Variants in XIST observed in about 807,000 individuals in gnomAD.
XIST encodes X inactive specific transcript (non-protein coding).
At chrX:73,848,780 G>T (rs1922839362) in exon 1 of XIST, 1 of 558,639 alleles carries the variant, frequency 1.8e-6, no homozygotes, top group Non-Finnish European at 3.2e-6. Context: ...TGGGTAGTCA[G>T]AACTCAGCAG....
exon 1 of XIST, chrX:73,841,870 C>A: frequency 1.9e-6 from 1 of 515,222 alleles, no homozygotes. Context: ...CTGCAATCTT[C>A]TTGAAATAAG....
exon 1 of XIST, chrX:73,849,433 A>G: frequency 3.6e-6 from 2 of 559,173 alleles, no homozygotes; most frequent in Non-Finnish European, 6.5e-6. Context: ...TTAGGTGGCC[A>G]ACACAGTACA....
chrX:73,823,017 T>C lies in XIST; in HGVS notation n.16884A>G, dbSNP rs1228470102. The C allele has an allele frequency of 1.8e-5, 10 of 555,402 alleles. No individual in the cohort carries two copies. The South Asian group carries it at 2.3e-4, about 13-fold the overall frequency. The allele number at this position is 555,402 out of a possible 1,213,427, so 45.8% of individuals were successfully genotyped here. ...TTAAGAACAGCACTTTATTCAGTTTTAATAAATTTTTACTAAATTGGTAAA... is the reference window on the plus strand; with the variant it reads ...TTAAGAACAGCACTTTATTCAGTTTCAATAAATTTTTACTAAATTGGTAAA... On this transcript the variant is annotated non_coding_transcript_exon_variant, in exon 6 of 6. Transcript: ENST00000429829.
chrX:73,824,545 C>G, exon 6 of XIST: 2 of 553,772 alleles, frequency 3.6e-6, no homozygotes, highest in Non-Finnish European at 6.5e-6. Flanking sequence ...GTATTTAAAC[C>G]CTTGGTTTGT....
In XIST at chrX:73,823,407, T is replaced by C. The variant is rs775278299; in HGVS notation, n.16494A>G. ...CATAGTACCTTGCAGAGAATAGGCA[T>C]TGAAATATTATTTAAACAATCAAAC... On this transcript the variant is annotated non_coding_transcript_exon_variant, in exon 6 of 6. Coordinates refer to ENST00000429829, the Ensembl canonical transcript of XIST. 4.5e-5 allele frequency: 23 copies of C among 510,797 alleles called. No homozygotes were observed. The South Asian group carries it at 5.0e-4, about 11-fold the overall frequency. 42.1% of individuals were successfully genotyped at this position (510,797 alleles called of 1,213,427 possible). A position where few individuals can be genotyped will look rare whatever the true frequency, so the allele number is the denominator to read the frequency against.
At chrX:73,834,638 T>C (rs1338353167) in intron 2 of XIST, among the ~76,000 whole-genome samples, 1 of 111,583 alleles carries the variant, frequency 9.0e-6, no homozygotes, top group Non-Finnish European at 1.9e-5. Flanking sequence ...CAGCCAGCCA[T>C]CTGGTTCAAA....
At chrX:73,842,314 A>G (rs1569512270) in exon 1 of XIST, 1 of 554,841 alleles carries the variant, frequency 1.8e-6, no homozygotes, top group Non-Finnish European at 3.3e-6. Flanking sequence ...GAAAGTGCCA[A>G]CCTTCCTTCC....
At chrX:73,829,359 A>T in intron 4 of XIST, 1 of 430,798 alleles carries the variant, frequency 2.3e-6, no homozygotes, top group South Asian at 3.6e-5. Flanking sequence ...TATAAAGTCA[A>T]AACTTTTAGG....
At chrX:73,848,684 G>A (rs1922836420) in exon 1 of XIST, 1 of 556,680 alleles carries the variant, frequency 1.8e-6, no homozygotes, top group African/African-American at 2.2e-5. Context: ...CCCACAGAAG[G>A]TGGGATGGGG....
chrX:73,847,194 T>C (rs1569512620), exon 1 of XIST: 1 of 558,680 alleles, frequency 1.8e-6, no homozygotes, highest in Non-Finnish European at 3.2e-6. Context: ...ACATTAACAG[T>C]CCAAGAGAGT....
rs763787499 is a variant in XIST at position 73,851,103 on chromosome X, T to C, written n.1621A>G. ...TTCCATCTTCTGCTCTAATTGGCTG[T>C]GATCAATTCCACCCCCATTTCTAAT... is the stretch of plus-strand genomic sequence containing the variant. On this transcript the variant is annotated non_coding_transcript_exon_variant, in exon 1 of 6. Coordinates refer to ENST00000429829, the Ensembl canonical transcript of XIST. 8.9e-6 allele frequency: 5 copies of C among 559,331 alleles called. No homozygotes were observed. The South Asian group carries it at 1.1e-4, about 12-fold the overall frequency. 46.1% of individuals were successfully genotyped at this position (559,331 alleles called of 1,213,427 possible). A position where few individuals can be genotyped will look rare whatever the true frequency, so the allele number is the denominator to read the frequency against.
chrX:73,826,883 T>A (rs1037284351), exon 6 of XIST: 1 of 558,861 alleles, frequency 1.8e-6, no homozygotes, highest in African/African-American at 2.2e-5. Context: ...AGGCCTTCCA[T>A]GTGTCCTGTC....
chrX:73,830,733 A>G (rs186593538), intron 4 of XIST, among the ~76,000 whole-genome samples: 1 of 112,081 alleles, frequency 8.9e-6, no homozygotes, highest in East Asian at 2.8e-4. Context: ...GACCACATGG[A>G]ACAGAATGAT....
chrX:73,838,745 A>G (rs1922532178), intron 1 of XIST, among the ~76,000 whole-genome samples: 1 of 111,715 alleles, frequency 9.0e-6, no homozygotes, highest in East Asian at 2.8e-4. Context: ...TTAACTTGTT[A>G]AATTCAGCAG....
At position 73,843,173 on chromosome X, in the gene XIST, T is replaced by C. The variant is rs375166473; in HGVS notation, n.9551A>G. 11 of 556,363 alleles carry C rather than the reference T, an allele frequency of 2.0e-5. No individual in the cohort carries two copies. In the African/African-American group the frequency reaches 2.0e-4, roughly 10 times the overall value. The allele number at this position is 556,363 out of a possible 1,213,427, so 45.9% of individuals were successfully genotyped here. On this transcript the variant is annotated non_coding_transcript_exon_variant, in exon 1 of 6. Coordinates refer to ENST00000429829, the Ensembl canonical transcript of XIST. Reference sequence around the variant, plus strand: ...CCTATTAACAGTCCCAGGAGAAGTTTTGAGTAGTCAGCAGCCCCTGCAGTA... The same window carrying C: ...CCTATTAACAGTCCCAGGAGAAGTTCTGAGTAGTCAGCAGCCCCTGCAGTA...
intron 3 of XIST, among the ~76,000 whole-genome samples, chrX:73,831,598 T>C (rs1366205526): frequency 8.9e-6 from 1 of 111,933 alleles, no homozygotes; most frequent in East Asian, 2.8e-4. Context: ...CAATGTGGGT[T>C]GTTAATACCC....
At chrX:73,845,382 G>A in exon 1 of XIST, 1 of 558,583 alleles carries the variant, frequency 1.8e-6, no homozygotes, top group Non-Finnish European at 3.2e-6. Flanking sequence ...GATGGGATGG[G>A]CCATGTGCAG....
rs753291976 is a variant in XIST, at chrX:73,833,300, A to C, written n.11481T>G. 6 of 556,947 alleles carry C rather than the reference A, an allele frequency of 1.1e-5. No homozygotes were observed. The South Asian group carries it at 1.3e-4, about 12-fold the overall frequency. 45.9% of individuals were successfully genotyped at this position (556,947 alleles called of 1,213,427 possible). On this transcript the variant is annotated non_coding_transcript_exon_variant, in exon 3 of 6. Transcript: ENST00000429829. ...TTAGCTGGAGCTTGGCCAGATTCTC[A>C]AAGGGAAAGATATGATTAATTTGGA... is the stretch of plus-strand genomic sequence containing the variant.
chrX:73,839,299 T>C (rs955270080), intron 1 of XIST, among the ~76,000 whole-genome samples: 15 of 111,173 alleles, frequency 1.3e-4, no homozygotes, highest in African/African-American at 4.6e-4. Context: ...GAAAACTTCC[T>C]CCAATCCTAC....
Sources: allele counts gnomAD v4.1 joint callset (sites outside exome capture counted in the v4.1 genomes callset), GRCh38; gene constraint gnomAD v4.1.1; transcripts MANE v1.5; gene names NCBI Gene and HGNC (gene_info 2026-07-23, HGNC 2026-07-21).